STXBP5L: variants seen among roughly 807,000 people sequenced by gnomAD.
STXBP5L encodes syntaxin-binding protein 5-like.
Under a neutral mutation model 144.5 loss-of-function variants are expected in STXBP5L, and 65 were observed. The ratio of observed to expected loss-of-function variants is 0.45; its 90% CI spans 0.37 to 0.55. The LOEUF (loss-of-function observed/expected upper bound fraction) is 0.55, where lower values mean the gene tolerates loss of function less well. Ranked by LOEUF, STXBP5L falls within the 20% of genes least tolerant of loss-of-function variation. The probability of loss-of-function intolerance (pLI) is 0.00; values close to 1 mark genes in which losing one functional copy is unlikely to be tolerated. For synonymous variants in STXBP5L, 505 were observed against 469.6 expected, an observed-to-expected ratio of 1.08 and a Z score of -0.97; for missense variants, 1,298 against 1,405.5, an observed-to-expected ratio of 0.92 and a Z score of 1.22.
chr3:121,357,759 C>T (rs948162053), intron 20 of STXBP5L: 1 of 152,104 alleles, frequency 6.6e-6, no homozygotes, highest in African/African-American at 2.4e-5. Flanking sequence ...GTGATGGATA[C>T]TTGATCTTAG....
At chr3:121,185,154 A>C (rs1327516229) in intron 9 of STXBP5L, among the ~76,000 whole-genome samples, 1 of 152,142 alleles carries the variant, frequency 6.6e-6, no homozygotes, top group Non-Finnish European at 1.5e-5. Flanking sequence ...GCAACTTGTA[A>C]ATTTGTTTGA....
chr3:121,399,777 T>A (rs1324471425), intron 22 of STXBP5L, among the ~76,000 whole-genome samples: 2 of 152,206 alleles, frequency 1.3e-5, no homozygotes, highest in Non-Finnish European at 2.9e-5. Flanking sequence ...AGCGTGGGCG[T>A]TACGGCCATC....
In STXBP5L at chr3:121,381,516, C is replaced by G; in HGVS notation, c.2571C>G (p.Val857=). The part of the protein sequence containing the change: ...LADEQRFTEP[V]MVLPSGTFLS... The stretch of plus-strand genomic sequence containing the variant: ...ATGAACAAAGGTTTACAGAGCCAGT[C>G]ATGGTATTGCCAAGTGGTAAGAGTT... The change falls in exon 22 of 27, where the codon GTC becomes GTG. Residue 857 remains valine (V), a synonymous_variant. Coordinates refer to ENST00000471454, the MANE Select transcript of STXBP5L (RefSeq NM_001308330.2). 6.3e-7 allele frequency: 1 copy of G among 1,592,496 alleles called. No individual in the cohort carries two copies. The highest frequency in any genetic ancestry group is 8.5e-7 in the Non-Finnish European group (1 of 1,174,050).
chr3:120,975,258 C>T (rs78629016), intron 3 of STXBP5L, among the ~76,000 whole-genome samples: 57,058 of 151,968 alleles, frequency 0.38, 10,916 homozygotes, highest in Non-Finnish European at 0.4. Context: ...AGGTCCTTCA[C>T]GTCCCTTGTA....
At chr3:121,190,823 C>T (rs112506982) in intron 9 of STXBP5L, among the ~76,000 whole-genome samples, 19,003 of 150,166 alleles carry the variant, frequency 0.13, 1,224 homozygotes, top group Non-Finnish European at 0.14. Flanking sequence ...ACTTCTCAGA[C>T]GGGGCGGCCA....
intron 9 of STXBP5L, chr3:121,158,890 T>C (rs969438217): frequency 1.1e-4 from 16 of 152,200 alleles, no homozygotes; most frequent in African/African-American, 3.6e-4. Flanking sequence ...CATATCCATA[T>C]TTATTTCATC....
intron 19 of STXBP5L, among the ~76,000 whole-genome samples, chr3:121,283,569 T>G (rs2051130486): frequency 6.6e-6 from 1 of 152,022 alleles, no homozygotes; most frequent in Non-Finnish European, 1.5e-5. Flanking sequence ...TTTCAGTTTC[T>G]GTAATAAAGT....
In STXBP5L at chr3:121,204,131, C is replaced by T. The variant is rs373461365; in HGVS notation, c.878-1792C>T. Among the ~76,000 whole-genome samples, 16 of 151,982 alleles carry T rather than the reference C, an allele frequency of 1.1e-4. No homozygotes were observed. In the East Asian group the frequency reaches 1.2e-3, roughly 11 times the overall value. On this transcript the variant is annotated intron_variant, in intron 9 of 26. Transcript: ENST00000471454. ...GCACACACCTGTAGTTCCAGCTACT[C>T]GGGAGGCTGAGGCAGGAGAATCACT...
intron 3 of STXBP5L, among the ~76,000 whole-genome samples, chr3:121,016,502 A>G (rs1361044478): frequency 6.6e-6 from 1 of 152,208 alleles, no homozygotes; most frequent in Non-Finnish European, 1.5e-5. Flanking sequence ...AGACTCAGAC[A>G]TAGAATGAGT....
chr3:121,083,662 C>G (rs540378928), intron 5 of STXBP5L, among the ~76,000 whole-genome samples: 2 of 116,470 alleles, frequency 1.7e-5, no homozygotes, highest in Non-Finnish European at 3.7e-5. Context: ...CACTCTGTCT[C>G]AAGAAAAAAA....
chr3:121,377,330 A>G (rs2046212593), intron 20 of STXBP5L, among the ~76,000 whole-genome samples: 1 of 152,222 alleles, frequency 6.6e-6, no homozygotes, highest in Non-Finnish European at 1.5e-5. Flanking sequence ...GCCAACATTG[A>G]CAAATGTGAT....
intron 9 of STXBP5L, among the ~76,000 whole-genome samples, chr3:121,194,731 C>T (rs1304555748): frequency 2.0e-5 from 3 of 152,038 alleles, no homozygotes; most frequent in African/African-American, 7.2e-5. Flanking sequence ...TTTCCAATTA[C>T]AAATTCATTT....
intron 18 of STXBP5L, 148 bp from the exon 19 acceptor site, chr3:121,279,657 C>G (rs1226241611): frequency 1.3e-6 from 1 of 793,958 alleles, no homozygotes; most frequent in African/African-American, 1.8e-5. Flanking sequence ...ATCATAAAGG[C>G]AAGGCATCCT....
intron 3 of STXBP5L, among the ~76,000 whole-genome samples, chr3:121,005,358 T>G (rs1944194546): frequency 6.6e-6 from 1 of 152,238 alleles, no homozygotes; most frequent in Non-Finnish European, 1.5e-5. Context: ...TATAGTATTC[T>G]CTGATGGTAG....
rs146072504 is a variant in STXBP5L at position 120,964,259 on chromosome 3, G to A, written c.287+9222G>A. 4.0e-4 allele frequency among the ~76,000 whole-genome samples: 61 copies of A among 152,146 alleles called. 1 individual carries two copies. In the East Asian group the frequency reaches 0.011, roughly 28 times the overall value. ...TCATTGATGTTTTGAAGGGTTTTTT[G>A]TGTCTCTATCTCCTTCAGTTCTGCT... On this transcript the variant is annotated intron_variant, in intron 3 of 26. Transcript: ENST00000471454.
At chr3:120,972,482 G>A (rs1431380500) in intron 3 of STXBP5L, among the ~76,000 whole-genome samples, 3 of 151,858 alleles carry the variant, frequency 2.0e-5, no homozygotes, top group Non-Finnish European at 4.4e-5. Context: ...GAGCATTTAG[G>A]GTTTTGTAGA....
intron 3 of STXBP5L, among the ~76,000 whole-genome samples, chr3:121,025,114 A>G (rs1013240834): frequency 6.6e-6 from 1 of 152,176 alleles, no homozygotes; most frequent in African/African-American, 2.4e-5. Flanking sequence ...GTAACCACCC[A>G]ACTCAATTAA....
At chr3:120,937,155 A>G (rs755699639) in intron 2 of STXBP5L, among the ~76,000 whole-genome samples, 1 of 152,138 alleles carries the variant, frequency 6.6e-6, no homozygotes, top group African/African-American at 2.4e-5. Context: ...ACTTGGATAA[A>G]GTTTTACTTA....
chr3:121,348,891 A>T (rs938061388), intron 20 of STXBP5L, among the ~76,000 whole-genome samples: 1 of 151,538 alleles, frequency 6.6e-6, no homozygotes, highest in Admixed American at 6.6e-5. Context: ...AATTTTGTTG[A>T]CCTTTTCAAA....
Sources: gnomAD v4.1 joint callset for allele counts (sites outside exome capture counted in the v4.1 genomes callset) on GRCh38, gnomAD v4.1.1 for gene constraint, MANE v1.5 for transcripts, NCBI Gene and HGNC (gene_info 2026-07-23, HGNC 2026-07-21) for gene names.